RIC3: variants seen among roughly 807,000 people sequenced by gnomAD.
RIC3 encodes protein RIC-3.
Under a neutral mutation model 27.3 loss-of-function variants are expected in RIC3, and 28 were observed. The ratio of observed to expected loss-of-function variants is 1.02; its 90% CI spans 0.76 to 1.41. RIC3 has a LOEUF of 1.41. RIC3 is among the 40% of genes most tolerant of loss of function. The pLI is 0.00. For synonymous variants in RIC3, 184 were observed against 160.4 expected (o/e 1.15, Z -1.11); for missense variants, 501 against 444.7 (o/e 1.13, Z -1.14).
downstream of RIC3, chr11:8,101,462 GTC>G: frequency 9.7e-7 from 1 of 1,028,976 alleles, no homozygotes; most frequent in East Asian, 4.6e-5. Context: ...CCTTTTCTCT[GTC>G]TGTGCCTGTG....
chr11:8,105,816 G>A (rs1439271010), downstream of RIC3: 1 of 152,118 alleles, frequency 6.6e-6, no homozygotes, highest in African/African-American at 2.4e-5. Context: ...CCCCTAGCAA[G>A]GTCCAGGCAA....
chr11:8,127,074 A>G (rs1031934522), intron 4 of RIC3, among the ~76,000 whole-genome samples: 2 of 152,142 alleles, frequency 1.3e-5, no homozygotes, highest in African/African-American at 4.8e-5. Flanking sequence ...CTAGGACCAG[A>G]CCCCAGATGT....
chr11:8,125,816 A>G (rs1946929550), intron 5 of RIC3, among the ~76,000 whole-genome samples: 5 of 152,190 alleles, frequency 3.3e-5, no homozygotes, highest in Admixed American at 2.0e-4. Flanking sequence ...AGGCAGGCAG[A>G]TCACTTGAGG....
At chr11:8,128,750 C>CTTTTTTTTT (rs1177448703) in intron 4 of RIC3, among the ~76,000 whole-genome samples, 1 of 88,502 alleles carries the variant, frequency 1.1e-5, no homozygotes, top group Non-Finnish European at 2.1e-5. Context: ...GTTGCAAAAA[C>CTTTTTTTTT]TTTTTTTTTT....
rs187496276 is a variant in RIC3 at position 8,143,870 on chromosome 11, C to T, written c.125-3677G>A. Among the ~76,000 whole-genome samples the T allele has an allele frequency of 7.7e-3, 1,169 of 152,078 alleles. 12 individuals are homozygous for T. The highest frequency in any genetic ancestry group is 0.021 in the African/African-American group (869 of 41,442). ...AACAGAACAGAGCCCTCAGAAATAA[C>T]GCCGCATATCTACAACGATCAGACC... On this transcript the variant is annotated intron_variant, in intron 1 of 5. Transcript: ENST00000309737.
intron 5 of RIC3, among the ~76,000 whole-genome samples, chr11:8,124,108 A>AAAGCAAGC (rs201131362): frequency 5.3e-5 from 8 of 150,736 alleles, no homozygotes; most frequent in South Asian, 2.1e-4. Flanking sequence ...AGAAAAAGAG[A>AAAGCAAGC]AAGCAAGCAA....
At chr11:8,122,691 T>TG (rs1321362094) in intron 5 of RIC3, among the ~76,000 whole-genome samples, 1 of 152,126 alleles carries the variant, frequency 6.6e-6, no homozygotes, top group African/African-American at 2.4e-5. Flanking sequence ...GAATAAAGGC[T>TG]GTTCTGGACC....
intron 1 of RIC3, among the ~76,000 whole-genome samples, chr11:8,141,388 T>C (rs1949046427): frequency 6.6e-6 from 1 of 152,312 alleles, no homozygotes; most frequent in Non-Finnish European, 1.5e-5. Flanking sequence ...TCCTAGTTTC[T>C]GATAAAACAG....
intron 4 of RIC3, among the ~76,000 whole-genome samples, chr11:8,135,074 T>G (rs919199375): frequency 6.6e-6 from 1 of 152,198 alleles, no homozygotes; most frequent in Non-Finnish European, 1.5e-5. Context: ...TCCACGCCTA[T>G]GGTATTGCCT....
In RIC3 at chr11:8,106,132, G is replaced by A. The variant is rs1210016870; in HGVS notation, c.*4566C>T. On this transcript the variant is annotated 3_prime_UTR_variant, in exon 6 of 6. Coordinates refer to ENST00000309737, the MANE Select transcript of RIC3 (RefSeq NM_001206671.4). ...AGCAAATGTATTTATTTATTGGTAT[G>A]TGCAATGACAAACTTGGTATTTTCC... 1 of 151,690 alleles carries A rather than the reference G, an allele frequency of 6.6e-6. No homozygotes were observed. The highest frequency in any genetic ancestry group is 2.4e-5 in the African/African-American group (1 of 41,402). The allele number at this position is 151,690 out of a possible 1,614,324, so 9.4% of individuals were successfully genotyped here. A position where few individuals can be genotyped will look rare whatever the true frequency, so the allele number is the denominator to read the frequency against.
At chr11:8,159,013 G>A (rs1209101721) in intron 1 of RIC3, among the ~76,000 whole-genome samples, 1 of 151,542 alleles carries the variant, frequency 6.6e-6, no homozygotes, top group Non-Finnish European at 1.5e-5. Flanking sequence ...TTACAGGCGT[G>A]AGCCACCGCG....
At chr11:8,096,118 A>G in the RIC3 span, among the ~76,000 whole-genome samples, 1 of 152,178 alleles carries the variant, frequency 6.6e-6, no homozygotes, top group South Asian at 2.1e-4. Flanking sequence ...TGTACAAAGG[A>G]CTTTGAGACA....
In RIC3 at chr11:8,119,439, C is replaced by T. The variant is rs183877931; in HGVS notation, c.670+7220G>A. Among the ~76,000 whole-genome samples the T allele has an allele frequency of 6.6e-3, 1,009 of 152,198 alleles. 22 individuals are homozygous for T. The highest frequency in any genetic ancestry group is 0.051 in the Admixed American group (783 of 15,280). Reference sequence around the variant, plus strand: ...TGACAAACCTGACAAAAACAAGAAACGGGGAAAGCATTCCCTATTTAATAA... The same window carrying T: ...TGACAAACCTGACAAAAACAAGAAATGGGGAAAGCATTCCCTATTTAATAA... On this transcript the variant is annotated intron_variant, in intron 5 of 5. Coordinates refer to ENST00000309737, the MANE Select transcript of RIC3 (RefSeq NM_001206671.4).
Position 8,138,179 on chromosome 11 carries a change from A to G in RIC3, c.427+93T>C. 4.7e-6 allele frequency: 4 copies of G among 848,536 alleles called. No homozygotes were observed. The South Asian group carries it at 8.1e-5, about 17-fold the overall frequency. The allele number at this position is 848,536 out of a possible 1,614,324, so 52.6% of individuals were successfully genotyped here. A position where few individuals can be genotyped will look rare whatever the true frequency, so the allele number is the denominator to read the frequency against. On this transcript the variant is annotated intron_variant, in intron 3 of 5. Transcript: ENST00000309737. ...GATTAATTTGGAGCAACTTTTGAGA[A>G]ATGCTTTTAAGACATACCCACAGAC...
the RIC3 span, chr11:8,095,569 G>C: frequency 1.9e-6 from 3 of 1,613,092 alleles, no homozygotes; most frequent in Admixed American, 5.0e-5. Flanking sequence ...TCTGACTGTG[G>C]GCCAGTCAGA....
chr11:8,109,089 T>C lies in RIC3; in HGVS notation c.*1609A>G, dbSNP rs943738272. On this transcript the variant is annotated 3_prime_UTR_variant, in exon 6 of 6. Transcript: ENST00000309737. ...TAGATGCAATATGCTTTCTATAAAC[T>C]CAGTCTTGAATGACTTTCTGTAACT... 3 of 152,256 alleles carry C rather than the reference T, an allele frequency of 2.0e-5. No homozygotes were observed. The highest frequency in any genetic ancestry group is 7.2e-5 in the African/African-American group (3 of 41,462). 9.4% of individuals were successfully genotyped at this position (152,256 alleles called of 1,614,324 possible).
chr11:8,167,944 GA>G (rs1267365276), intron 1 of RIC3, among the ~76,000 whole-genome samples: 1 of 152,204 alleles, frequency 6.6e-6, no homozygotes, highest in African/African-American at 2.4e-5. Context: ...TGATGCTCAA[GA>G]GAATGGAACT....
chr11:8,094,096 A>C, the RIC3 span: 1 of 1,614,192 alleles, frequency 6.2e-7, no homozygotes, highest in South Asian at 1.1e-5. Context: ...CACGCGCCCA[A>C]CAGCACCAGC....
intron 1 of RIC3, among the ~76,000 whole-genome samples, chr11:8,152,118 A>T (rs1226162249): frequency 6.6e-6 from 1 of 152,168 alleles, no homozygotes. Flanking sequence ...AGGGATGTAA[A>T]GAAAAAGGAA....
Sources: gnomAD v4.1 joint callset for allele counts (sites outside exome capture counted in the v4.1 genomes callset) on GRCh38, gnomAD v4.1.1 for gene constraint, MANE v1.5 for transcripts, NCBI Gene and HGNC (gene_info 2026-07-23, HGNC 2026-07-21) for gene names.